The following SCLT1 variants were observed in gnomAD, a reference collection of about 807,000 sequenced individuals.
SCLT1 encodes the protein sodium channel and clathrin linker 1.
Under a neutral mutation model 112.8 loss-of-function variants are expected in SCLT1, and 78 were observed. That is an observed-to-expected ratio of 0.69 (90% confidence interval 0.58 to 0.83). The LOEUF is 0.83. SCLT1 is among the 40% of genes least tolerant of loss of function. The pLI is 0.00. For synonymous variants in SCLT1, 257 were observed against 254.7 expected (o/e 1.01, Z -0.09); for missense variants, 747 against 770.4 (o/e 0.97, Z 0.36).
rs1737347689 is a variant in SCLT1 at position 128,937,877 on chromosome 4, G to A, written c.1633-1026C>T. ...GAGAATTAAGCCCTAATGCTTTAAG[G>A]CATCCAATGTATATAATGACTTGCG... On this transcript the variant is annotated intron_variant, in intron 17 of 20. Coordinates refer to ENST00000281142, the MANE Select transcript of SCLT1 (RefSeq NM_144643.4). Among the ~76,000 whole-genome samples, 4 of 152,218 alleles carry A rather than the reference G, an allele frequency of 2.6e-5. No homozygotes were observed. The South Asian group carries it at 8.3e-4, about 32-fold the overall frequency.
chr4:128,955,411 T>G (rs1384459427), intron 13 of SCLT1, among the ~76,000 whole-genome samples: 1 of 152,202 alleles, frequency 6.6e-6, no homozygotes, highest in Non-Finnish European at 1.5e-5. Flanking sequence ...AAGTGAACAA[T>G]GTATATTTTT....
intron 2 of SCLT1, among the ~76,000 whole-genome samples, chr4:129,057,624 G>C (rs1471906464): frequency 2.0e-5 from 3 of 149,490 alleles, no homozygotes. Context: ...GTCTGTTCAG[G>C]TTTTCTATTT....
intron 9 of SCLT1, among the ~76,000 whole-genome samples, chr4:128,976,732 A>G (rs980447418): frequency 1.3e-5 from 2 of 152,220 alleles, no homozygotes; most frequent in Admixed American, 6.5e-5. Flanking sequence ...CTGGGAGAAT[A>G]TTGAAGTGAG....
intron 18 of SCLT1, among the ~76,000 whole-genome samples, chr4:128,923,793 A>T (rs962016567): frequency 6.6e-6 from 1 of 151,958 alleles, no homozygotes; most frequent in African/African-American, 2.4e-5. Context: ...ACATTTGTGT[A>T]CAGGTTTTTT....
intron 5 of SCLT1, among the ~76,000 whole-genome samples, chr4:129,014,142 CT>C (rs905051492): frequency 2.0e-5 from 3 of 152,082 alleles, no homozygotes; most frequent in Non-Finnish European, 2.9e-5. Context: ...ATTGTAGTGT[CT>C]TTTTCAGTTC....
At chr4:128,873,950 C>G (rs554174292) in intron 5 of SCLT1, 3 of 152,680 alleles carry the variant, frequency 2.0e-5, no homozygotes, top group South Asian at 2.1e-4. Context: ...ATTGTATGTA[C>G]GACATTTTCA....
chr4:129,089,384 T>C (rs1752648573), intron 1 of SCLT1, among the ~76,000 whole-genome samples: 1 of 152,168 alleles, frequency 6.6e-6, no homozygotes, highest in Admixed American at 6.5e-5. Context: ...TGTGGAGAAA[T>C]AGGAATGCTT....
chr4:129,053,709 T>C (rs2125716239), intron 2 of SCLT1, among the ~76,000 whole-genome samples: 1 of 152,044 alleles, frequency 6.6e-6, no homozygotes, highest in South Asian at 2.1e-4. Context: ...CCTTATCCAA[T>C]TTGCCAGTCT....
At chr4:129,075,505 TAG>T (rs1408635337) in intron 2 of SCLT1, among the ~76,000 whole-genome samples, 3 of 152,142 alleles carry the variant, frequency 2.0e-5, no homozygotes, top group East Asian at 1.9e-4. Context: ...AACTCATCAA[TAG>T]AGAGTCCAGA....
chr4:129,016,304 T>G (rs1744988526), intron 5 of SCLT1, among the ~76,000 whole-genome samples: 1 of 151,452 alleles, frequency 6.6e-6, no homozygotes, highest in African/African-American at 2.4e-5. Context: ...CATTAACTAT[T>G]TATCCTGATG....
At chr4:128,945,960 G>A (rs369014173) in intron 16 of SCLT1, 47 bp downstream of exon 16, 119 of 1,368,218 alleles carry the variant, frequency 8.7e-5, no homozygotes, top group Middle Eastern at 1.8e-4. Flanking sequence ...CAAAAATTGT[G>A]TGAATTCTGA....
At chr4:129,027,574 T>C (rs1402335398) in intron 5 of SCLT1, among the ~76,000 whole-genome samples, 1 of 152,124 alleles carries the variant, frequency 6.6e-6, no homozygotes, top group African/African-American at 2.4e-5. Context: ...AATATCATAC[T>C]GAATGGGCAA....
intron 5 of SCLT1, among the ~76,000 whole-genome samples, chr4:129,017,950 AT>A (rs1226934633): frequency 6.6e-6 from 1 of 152,234 alleles, no homozygotes; most frequent in East Asian, 1.9e-4. Flanking sequence ...ATTGGTCACA[AT>A]TAGGAAACTG....
intron 4 of SCLT1, among the ~76,000 whole-genome samples, chr4:129,043,136 T>C (rs1050297347): frequency 6.6e-6 from 1 of 151,956 alleles, no homozygotes; most frequent in African/African-American, 2.4e-5. Flanking sequence ...GGTCTCAAGC[T>C]TCTAGGCACA....
intron 18 of SCLT1, among the ~76,000 whole-genome samples, chr4:128,923,396 G>A (rs1353932783): frequency 7.4e-6 from 1 of 135,464 alleles, no homozygotes. Context: ...AGTGAACCAA[G>A]ATCGTGCCAC....
At chr4:129,077,164 C>T (rs1751536495) in intron 2 of SCLT1, among the ~76,000 whole-genome samples, 1 of 152,076 alleles carries the variant, frequency 6.6e-6, no homozygotes, top group African/African-American at 2.4e-5. Flanking sequence ...TGATCCAAAG[C>T]AAGCCTAAAT....
At chr4:128,953,543 C>T (rs1738946746) in intron 13 of SCLT1, among the ~76,000 whole-genome samples, 1 of 152,014 alleles carries the variant, frequency 6.6e-6, no homozygotes, top group African/African-American at 2.4e-5. Flanking sequence ...TTAATAACTT[C>T]TAAGGTTTTG....
At chr4:129,025,509 T>C (rs1432884812) in intron 5 of SCLT1, among the ~76,000 whole-genome samples, 1 of 152,134 alleles carries the variant, frequency 6.6e-6, no homozygotes, top group Admixed American at 6.5e-5. Context: ...TGAGAGATTT[T>C]GTCACCACCA....
At chr4:129,058,868 T>C (rs565287504) in intron 2 of SCLT1, among the ~76,000 whole-genome samples, 5 of 152,276 alleles carry the variant, frequency 3.3e-5, no homozygotes, top group African/African-American at 9.6e-5. Flanking sequence ...ATAATTGTTA[T>C]ATTTATTCTT....
Sources: gnomAD v4.1 joint callset for allele counts (sites outside exome capture counted in the v4.1 genomes callset) on GRCh38, gnomAD v4.1.1 for gene constraint, MANE v1.5 for transcripts, NCBI Gene and HGNC (gene_info 2026-07-23, HGNC 2026-07-21) for gene names.